The following TSPAN16 variants were observed in gnomAD, a reference collection of about 807,000 sequenced individuals.
The protein encoded by TSPAN16 is tetraspanin-16.
A neutral mutation model predicts 25.2 loss-of-function variants in TSPAN16; 23 were observed. That is an observed-to-expected ratio of 0.91 (90% CI 0.66 to 1.29). The LOEUF (loss-of-function observed/expected upper bound fraction) is 1.29. Among genes scored for constraint, TSPAN16 ranks in the 50% most tolerant of loss-of-function variants. The pLI is 0.00. For missense variants in TSPAN16, 272 were observed against 299.9 expected (o/e 0.91, Z 0.69); for synonymous variants, 123 against 124.4 (o/e 0.99, Z 0.08).
In TSPAN16 at chr19:11,299,059, C is replaced by A. The variant is rs992150480; in HGVS notation, c.342+113C>A. On this transcript the variant is annotated intron_variant, in intron 3 of 6. Transcript: ENST00000590327. Reference sequence around the variant, plus strand: ...TTTTGGGAGGCTGAGTCTGGTGGATCACCTGAGGTCATGAGTTTGAGACCA... The same window carrying A: ...TTTTGGGAGGCTGAGTCTGGTGGATAACCTGAGGTCATGAGTTTGAGACCA... 6.8e-6 allele frequency: 7 copies of A among 1,024,344 alleles called. No homozygotes were observed. The African/African-American group carries it at 8.0e-5, about 12-fold the overall frequency. The allele number at this position is 1,024,344 out of a possible 1,614,324, so 63.5% of individuals were successfully genotyped here.
At chr19:11,315,429 C>T (rs1462045780) in intron 6 of TSPAN16, among the ~76,000 whole-genome samples, 2 of 150,462 alleles carry the variant, frequency 1.3e-5, no homozygotes, top group African/African-American at 4.9e-5. Context: ...TGGTGGCGGC[C>T]GCCTGTAGTC....
intron 1 of TSPAN16, among the ~76,000 whole-genome samples, chr19:11,297,182 G>A (rs954186476): frequency 6.6e-6 from 1 of 152,286 alleles, no homozygotes; most frequent in East Asian, 1.9e-4. Context: ...GAGAATTAAG[G>A]CCGGCTGTGG....
rs369029059 is a variant in TSPAN16 at position 11,298,859 on chromosome 19, G to A, written c.268-13G>A. The A allele has an allele frequency of 1.2e-5, 19 of 1,613,490 alleles. No homozygotes were observed. In the African/African-American group the frequency reaches 1.3e-4, roughly 11 times the overall value. On this transcript the variant is annotated splice_polypyrimidine_tract_variant and intron_variant, in intron 2 of 6. Transcript: ENST00000590327. ...GCAGGCTCCCAGGCCCTCTCTCCCCGTGTGTCTTTTAGTGCATCCTGTCAA... is the reference window on the plus strand; with the variant it reads ...GCAGGCTCCCAGGCCCTCTCTCCCCATGTGTCTTTTAGTGCATCCTGTCAA...
chr19:11,304,743 CT>C lies in TSPAN16; in HGVS notation c.451-1859del, dbSNP rs373101844. On this transcript the variant is annotated intron_variant, in intron 4 of 6. Coordinates refer to ENST00000590327, the MANE Select transcript of TSPAN16 (RefSeq NM_001282509.2). ...GTTTCACCATGTTAGCCAGGATGAT[CT>C]TGATCTCCTGACCTCGTGATCTGTC... Among the ~76,000 whole-genome samples the C allele has an allele frequency of 7.9e-3, 1,199 of 151,234 alleles. 12 individuals are homozygous for C. Among genetic ancestry groups the C allele is most frequent in the African/African-American group, 0.027 (1,081 of 40,654 alleles).
chr19:11,317,026 C>T (rs998328807), downstream of TSPAN16, among the ~76,000 whole-genome samples: 1 of 151,816 alleles, frequency 6.6e-6, no homozygotes, highest in African/African-American at 2.4e-5. Flanking sequence ...TGGTCTCAAA[C>T]TCCTGCCCTC....
intron 6 of TSPAN16, among the ~76,000 whole-genome samples, chr19:11,312,633 C>T (rs1024229453): frequency 2.0e-5 from 3 of 151,772 alleles, no homozygotes; most frequent in African/African-American, 7.3e-5. Flanking sequence ...GGTGTGGTGG[C>T]AGATGCTTGT....
chr19:11,308,988 C>T (rs567597048), intron 5 of TSPAN16, among the ~76,000 whole-genome samples: 1 of 152,150 alleles, frequency 6.6e-6, no homozygotes, highest in East Asian at 1.9e-4. Flanking sequence ...GTGGGAGGAT[C>T]ACTTAAGTCC....
At position 11,326,268 on chromosome 19, in the gene TSPAN16, C is replaced by A. The variant is rs944599043; in HGVS notation, c.688-526C>A. Among the ~76,000 whole-genome samples the A allele has an allele frequency of 2.0e-5, 3 of 151,732 alleles. No individual in the cohort carries two copies. In the East Asian group the frequency reaches 5.8e-4, roughly 29 times the overall value. ...TGGTGGCGTTCACCTGCAGTCTCAG[C>A]TACTCGGAAGGTTAAGGCAGGAGAA... On this transcript the variant is annotated intron_variant, in intron 6 of 6. Coordinates refer to the TSPAN16 transcript ENST00000316737.
chr19:11,319,855 C>T (rs1256160316), downstream of TSPAN16, among the ~76,000 whole-genome samples: 1 of 151,972 alleles, frequency 6.6e-6, no homozygotes, highest in African/African-American at 2.4e-5. Flanking sequence ...CGCTCTGTCG[C>T]CCAGGCTGGA....
At chr19:11,302,598 TATATTTATATAC>T (rs1379660947) in intron 4 of TSPAN16, among the ~76,000 whole-genome samples, 1 of 143,970 alleles carries the variant, frequency 6.9e-6, no homozygotes, top group African/African-American at 2.6e-5. Flanking sequence ...TATATACATA[TATATTTATATAC>T]ATATGTATAT....
chr19:11,301,559 G>A (rs1362851734), intron 4 of TSPAN16, among the ~76,000 whole-genome samples: 3 of 151,390 alleles, frequency 2.0e-5, no homozygotes, highest in Admixed American at 2.0e-4. Context: ...AGAATAGCTC[G>A]AACCCAGGAG....
At chr19:11,314,457 C>T (rs1014130127) in intron 6 of TSPAN16, among the ~76,000 whole-genome samples, 2 of 152,160 alleles carry the variant, frequency 1.3e-5, no homozygotes, top group Non-Finnish European at 2.9e-5. Context: ...GTCTTTTCTG[C>T]AAATCGCCAC....
downstream of TSPAN16, among the ~76,000 whole-genome samples, chr19:11,320,121 A>ATTTTTTTTTTT (rs1599351537): frequency 1.4e-5 from 1 of 73,662 alleles, no homozygotes; most frequent in Admixed American, 1.4e-4. Context: ...CCCGGCCAGG[A>ATTTTTTTTTTT]CTTTTTTTTT....
intron 6 of TSPAN16, among the ~76,000 whole-genome samples, chr19:11,326,392 A>G (rs1468419732): frequency 6.6e-6 from 1 of 152,142 alleles, no homozygotes; most frequent in African/African-American, 2.4e-5. Context: ...AAAACAAAAC[A>G]AAACGAAACC....
downstream of TSPAN16, among the ~76,000 whole-genome samples, chr19:11,320,962 C>A (rs533446940): frequency 1.6e-4 from 24 of 151,756 alleles, no homozygotes; most frequent in South Asian, 4.2e-4. Context: ...TGAGGTCAGG[C>A]GTTCGAGACC....
chr19:11,307,763 C>T (rs1026349042), intron 5 of TSPAN16: 4 of 152,242 alleles, frequency 2.6e-5, no homozygotes, highest in Middle Eastern at 6.8e-3. Context: ...TTTTGGGGGA[C>T]CCCTGCAAAG....
At chr19:11,298,372 G>T (rs1485331307) in intron 2 of TSPAN16, 33 bp downstream of exon 2, 3 of 1,598,670 alleles carry the variant, frequency 1.9e-6, no homozygotes, top group Non-Finnish European at 2.6e-6. Flanking sequence ...CCCCAGAACT[G>T]CCTCCCCACA....
intron 6 of TSPAN16, among the ~76,000 whole-genome samples, chr19:11,321,110 A>C (rs886334688): frequency 4.0e-5 from 6 of 151,806 alleles, no homozygotes; most frequent in African/African-American, 1.5e-4. Flanking sequence ...CGGAGGTTGC[A>C]GTGAGCCAAG....
At chr19:11,312,104 C>G in intron 5 of TSPAN16, 35 bp from the exon 6 acceptor site, 1 of 1,566,854 alleles carries the variant, frequency 6.4e-7, no homozygotes, top group Non-Finnish European at 8.8e-7. Context: ...AAGCCCCTAA[C>G]CACCTCCTGC....
Sources: allele counts gnomAD v4.1 joint callset (sites outside exome capture counted in the v4.1 genomes callset), GRCh38; gene constraint gnomAD v4.1.1; transcripts MANE v1.5; gene names NCBI Gene and HGNC (gene_info 2026-07-23, HGNC 2026-07-21).